The following MYLK variants were observed in gnomAD, a reference collection of about 807,000 sequenced individuals.
MYLK encodes the protein myosin light chain kinase, also known as myosin light chain kinase, smooth muscle.
In MYLK, 106 loss-of-function variants were observed where a neutral mutation model predicts 203.4. The observed-to-expected ratio is 0.52, with a 90% CI of 0.45 to 0.61. The LOEUF is 0.61. MYLK is among the 20% of genes least tolerant of loss of function. The probability of loss-of-function intolerance (pLI) is 0.00; values close to 1 mark genes in which losing one functional copy is unlikely to be tolerated. For synonymous variants in MYLK, 867 were observed against 959.5 expected (o/e 0.90, Z 1.78); for missense variants, 2,072 against 2,442.3 (o/e 0.85, Z 3.20).
rs1193264880 is a variant in MYLK at position 123,638,051 on chromosome 3, C to T, written c.4961+20G>A. On this transcript the variant is annotated intron_variant, in intron 29 of 33. Transcript: ENST00000360304. ...GTCCACCAAGTGGTCCACCAGTCCA[C>T]CAAGTGCCCCAGGACTCACAGGATG... 1.9e-5 allele frequency: 31 copies of T among 1,613,740 alleles called. No individual in the cohort carries two copies. Among genetic ancestry groups the T allele is most frequent in the Non-Finnish European group, 2.4e-5 (28 of 1,179,968 alleles).
intron 2 of MYLK, among the ~76,000 whole-genome samples, chr3:123,844,267 G>T (rs2066658859): frequency 6.6e-6 from 1 of 152,140 alleles, no homozygotes; most frequent in African/African-American, 2.4e-5. Flanking sequence ...GGAGCAGGAA[G>T]CCAACTTGTA....
intron 2 of MYLK, among the ~76,000 whole-genome samples, chr3:123,861,875 C>T (rs2031955543): frequency 6.6e-6 from 1 of 152,192 alleles, no homozygotes; most frequent in Admixed American, 6.5e-5. Flanking sequence ...TCATCAAAAC[C>T]AGGGATAGAC....
At chr3:123,636,002 C>G (rs548667699) in intron 29 of MYLK, among the ~76,000 whole-genome samples, 2 of 152,308 alleles carry the variant, frequency 1.3e-5, no homozygotes, top group Non-Finnish European at 2.9e-5. Flanking sequence ...TGTATGATTT[C>G]ATTGACATTA....
chr3:123,700,794 C>A lies in MYLK; in HGVS notation c.2674G>T (p.Val892Leu). The A allele has an allele frequency of 6.2e-7, 1 of 1,614,248 alleles. No individual in the cohort carries two copies. Residue 892 changes from valine (V) to leucine (L), a missense_variant, in exon 18 of 34, where the codon GTG (valine) becomes TTG (leucine). Around this residue, in one of 3 missense-constraint regions of MYLK, gnomAD observed 865 missense variants for 1,016.0 expected, o/e 0.85. Transcript: ENST00000360304. Reference sequence around the variant, plus strand: ...AGGTCTCGGAAGTCCAGCTGCTCCACCTCCTGCTGGCGGATCGCCTCCTCA... The same window carrying A: ...AGGTCTCGGAAGTCCAGCTGCTCCAACTCCTGCTGGCGGATCGCCTCCTCA... ...HTEEAIRQQE[V>L]EQLDFRDLLG...
rs937103854 is a variant in MYLK, at chr3:123,777,659, C to T, written c.165+16018G>A. On this transcript the variant is annotated intron_variant, in intron 4 of 33. Coordinates refer to ENST00000360304, the MANE Select transcript of MYLK (RefSeq NM_053025.4). ...GAAGGGGCCTGAGCCAGCTTGGGAA[C>T]TGGGCTGAGGGTGTGGAGCAGACGA... 2.0e-5 allele frequency among the ~76,000 whole-genome samples: 3 copies of T among 152,212 alleles called. No homozygotes were observed. The East Asian group carries it at 5.8e-4, about 29-fold the overall frequency.
intron 2 of MYLK, among the ~76,000 whole-genome samples, chr3:123,859,857 G>A (rs1055749150): frequency 3.3e-5 from 5 of 151,764 alleles, no homozygotes; most frequent in African/African-American, 1.2e-4. Flanking sequence ...AACGTGTGGG[G>A]ATCAAATTGC....
intron 3 of MYLK, among the ~76,000 whole-genome samples, chr3:123,803,224 C>T (rs990756317): frequency 2.6e-5 from 4 of 152,302 alleles, no homozygotes; most frequent in African/African-American, 9.6e-5. Context: ...CGAGGGTCAG[C>T]AACGTGCATA....
Position 123,762,155 on chromosome 3 carries a change from C to A in MYLK, c.166-9617G>T, listed in dbSNP as rs141328968. Among the ~76,000 whole-genome samples, 3 of 152,306 alleles carry A rather than the reference C, an allele frequency of 2.0e-5. No homozygotes were observed. The East Asian group carries it at 5.8e-4, about 29-fold the overall frequency. On this transcript the variant is annotated intron_variant, in intron 4 of 33. Transcript: ENST00000360304. ...TTTCCACTTCCTTGAGGGCAATCACCTTCAATGCTTTTAGTCATTTCTTCT... is the reference window on the plus strand; with the variant it reads ...TTTCCACTTCCTTGAGGGCAATCACATTCAATGCTTTTAGTCATTTCTTCT...
intron 4 of MYLK, among the ~76,000 whole-genome samples, chr3:123,783,308 G>T (rs2064372053): frequency 1.3e-5 from 2 of 152,078 alleles, no homozygotes; most frequent in Admixed American, 1.3e-4. Flanking sequence ...TCCAACAAAG[G>T]AAAACCTCAC....
rs145507832 is a variant in MYLK, at chr3:123,700,775, C to T, written c.2693G>A (p.Arg898Gln). ...ACTCACCTTCTTCCCCAGGAGGTCT[C>T]GGAAGTCCAGCTGCTCCACCTCCTG... Reference protein sequence around the residue: ...RQQEVEQLDFRDLLGKKVSTK... With the variant: ...RQQEVEQLDFQDLLGKKVSTK... The change falls in exon 18 of 34, where the codon CGA (arginine) becomes CAA (glutamine). Residue 898 changes from arginine to glutamine, a missense_variant. Arg to Gln is a conservative substitution (Grantham distance 43, BLOSUM62 1). Coordinates refer to ENST00000360304, the MANE Select transcript of MYLK (RefSeq NM_053025.4). 1.4e-4 allele frequency: 223 copies of T among 1,614,196 alleles called. No individual in the cohort carries two copies. The highest frequency in any genetic ancestry group is 6.7e-5 in the African/African-American group (5 of 75,068).
At chr3:123,637,668 A>G (rs931285738) in intron 29 of MYLK, among the ~76,000 whole-genome samples, 3 of 152,142 alleles carry the variant, frequency 2.0e-5, no homozygotes, top group African/African-American at 7.2e-5. Context: ...TATGCCCTGA[A>G]GACAATGAGG....
chr3:123,682,175 G>T, intron 20 of MYLK, 49 bp downstream of exon 20: 1 of 1,465,348 alleles, frequency 6.8e-7, no homozygotes, highest in Non-Finnish European at 9.4e-7. Flanking sequence ...TCCCCGGGGT[G>T]CCTGCCCCTG....
At chr3:123,727,459 T>G (rs1364241695) in intron 11 of MYLK, among the ~76,000 whole-genome samples, 1 of 152,272 alleles carries the variant, frequency 6.6e-6, no homozygotes, top group African/African-American at 2.4e-5. Flanking sequence ...ACAAGTCATT[T>G]AACCTTACTA....
chr3:123,637,949 T>G, intron 29 of MYLK, 122 bp downstream of exon 29: 1 of 1,448,652 alleles, frequency 6.9e-7, no homozygotes, highest in East Asian at 2.4e-5. Flanking sequence ...CTCCTGACTC[T>G]GGGGGGGGCT....
Position 123,648,188 on chromosome 3 carries a change from C to T in MYLK, c.4416-761G>A, listed in dbSNP as rs2059088152. Among the ~76,000 whole-genome samples, 2 of 152,186 alleles carry T rather than the reference C, an allele frequency of 1.3e-5. No individual in the cohort carries two copies. The highest frequency in any genetic ancestry group is 2.1e-4 in the South Asian group (1 of 4,832). ...AGTGGAGTCCCACTCCTTTCTCTCC[C>T]ACCTCTTCTATTCCTCCAGGGACAG... On this transcript the variant is annotated intron_variant, in intron 26 of 33. Transcript: ENST00000360304. This position sits in a 1 kb window ranked among gnomAD's most constrained non-coding sequence, Gnocchi z 4.5.
rs373203578 is a variant in MYLK at position 123,737,626 on chromosome 3, G to A, written c.589-83C>T. ...CCTCCTGCCTCCTGCCAATCCTAGT[G>A]GGATAGACTCCAGGGCCTGGGCAGC... On this transcript the variant is annotated intron_variant, in intron 7 of 33. Transcript: ENST00000360304. 78 of 1,564,944 alleles carry A rather than the reference G, an allele frequency of 5.0e-5. No homozygotes were observed. In the African/African-American group the frequency reaches 8.5e-4, roughly 17 times the overall value.
intron 18 of MYLK, 33 bp downstream of exon 18, chr3:123,699,987 G>A: frequency 8.1e-6 from 13 of 1,614,050 alleles, no homozygotes; most frequent in Non-Finnish European, 1.1e-5. Context: ...TGGTACAGAG[G>A]CCCCTTCTTC....
chr3:123,773,371 C>A (rs977079154), intron 4 of MYLK, among the ~76,000 whole-genome samples: 1 of 152,098 alleles, frequency 6.6e-6, no homozygotes, highest in Non-Finnish European at 1.5e-5. Context: ...TATGTCAAAA[C>A]TTTTAAAGTA....
At chr3:123,838,834 T>C (rs576236320) in intron 2 of MYLK, among the ~76,000 whole-genome samples, 2 of 152,176 alleles carry the variant, frequency 1.3e-5, no homozygotes, top group East Asian at 3.9e-4. Flanking sequence ...GTGGCTCATG[T>C]CTGTAATCCC....
Sources: allele counts gnomAD v4.1 joint callset (sites outside exome capture counted in the v4.1 genomes callset), GRCh38; gene constraint gnomAD v4.1.1; regional missense constraint gnomAD v4.1.1; non-coding constraint Gnocchi (gnomAD v3.1); transcripts MANE v1.5; gene names NCBI Gene and HGNC (gene_info 2026-07-23, HGNC 2026-07-21).